IGFN1: variants seen among roughly 807,000 people sequenced by gnomAD.
IGFN1 encodes the protein immunoglobulin-like and fibronectin type III domain-containing protein 1.
In IGFN1, 253 loss-of-function variants were observed where a neutral mutation model predicts 289.5. That is an observed-to-expected ratio of 0.87 (90% CI 0.79 to 0.97). The LOEUF (loss-of-function observed/expected upper bound fraction) is 0.97, where lower values mean the gene tolerates loss of function less well. IGFN1 is among the 50% of genes least tolerant of loss of function. The probability of loss-of-function intolerance (pLI) is 0.00; values close to 1 mark genes in which losing one functional copy is unlikely to be tolerated. For synonymous variants in IGFN1, 1,706 were observed against 1,788.5 expected (o/e 0.95, Z 1.16); for missense variants, 4,470 against 4,686.1 (o/e 0.95, Z 1.35).
rs773802073 is a variant in IGFN1, at chr1:201,206,974, C to G, written c.2081C>G (p.Ser694Cys). 7 of 1,535,874 alleles carry G rather than the reference C, an allele frequency of 4.6e-6. No individual in the cohort carries two copies. The highest frequency in any genetic ancestry group is 6.1e-6 in the Non-Finnish European group (7 of 1,146,382). Residue 694 changes from serine to cysteine, a missense_variant, in exon 12 of 24, where the codon TCC (serine) becomes TGC (cysteine). By Grantham distance (112) the Ser-to-Cys change is moderately radical. This residue lies in a region of IGFN1 where 2,011 missense variants were observed against 1,953.4 expected (regional missense o/e 1.03). Coordinates refer to ENST00000335211, the MANE Select transcript of IGFN1 (RefSeq NM_001164586.2). Reference sequence around the variant, plus strand: ...TCCAAGGTGGGCATGGCCCCTGAATCCTGGGGTTCTCAGGGAGGTAGAGAT... The same window carrying G: ...TCCAAGGTGGGCATGGCCCCTGAATGCTGGGGTTCTCAGGGAGGTAGAGAT... ...SGSKVGMAPE[S>C]WGSQGGRDAD...
chr1:201,205,690 G>A (rs138354288), intron 11 of IGFN1, among the ~76,000 whole-genome samples: 15 of 152,294 alleles, frequency 9.8e-5, no homozygotes, highest in South Asian at 6.2e-4. Flanking sequence ...AGAAATTTGC[G>A]TTCCAGATGT....
rs547439547 is a variant in IGFN1, at chr1:201,206,504, A to G, written c.1611A>G (p.Glu537=). ...ESSESGLGLP[E]KQQQDRGRDS... ...CAGAATCAGGGTTGGGCCTCCCAGA[A>G]AAACAACAGCAAGATCGTGGCAGAG... The change falls in exon 12 of 24, where the codon GAA becomes GAG. Residue 537 remains glutamate, a synonymous_variant. Transcript: ENST00000335211. 9.2e-5 allele frequency: 142 copies of G among 1,551,384 alleles called. No individual in the cohort carries two copies. The African/African-American group carries it at 1.7e-3, about 19-fold the overall frequency.
chr1:201,203,098 C>T (rs1001875936), intron 9 of IGFN1, among the ~76,000 whole-genome samples: 22 of 152,214 alleles, frequency 1.4e-4, no homozygotes, highest in South Asian at 6.2e-4. Context: ...TTATTTATGA[C>T]ATCTATTATT....
rs535538013 is a variant in IGFN1 at position 201,199,553 on chromosome 1, A to G, written c.413-56A>G. 1.5e-3 allele frequency: 2,240 copies of G among 1,514,090 alleles called. 60 individuals carry two copies. The South Asian group carries it at 0.026, about 17-fold the overall frequency. 93.8% of individuals were successfully genotyped at this position (1,514,090 alleles called of 1,614,324 possible). On this transcript the variant is annotated intron_variant, in intron 6 of 23. Transcript: ENST00000335211. ...CATGGACAACACAGAAAAGCTCTGC[A>G]TCAACCCTCAGTCATCCCACCTGGG...
rs765349950 is a variant in IGFN1 at position 201,209,530 on chromosome 1, C to A, written c.4637C>A (p.Ala1546Glu). 4.0e-5 allele frequency: 62 copies of A among 1,532,276 alleles called. No individual in the cohort carries two copies. In the Admixed American group the frequency reaches 5.1e-4, roughly 13 times the overall value. The allele number at this position is 1,532,276 out of a possible 1,614,324, so 94.9% of individuals were successfully genotyped here. The change falls in exon 12 of 24, where the codon GCA becomes GAA. Residue 1546 changes from alanine (A) to glutamate (E), a missense_variant. This residue lies in a region of IGFN1 where 2,011 missense variants were observed against 1,953.4 expected (regional missense o/e 1.03). Transcript: ENST00000335211. The stretch of plus-strand genomic sequence containing the variant: ...GAGGCAATAGGTTCAGGGAGTAAGG[C>A]AGGTTTTACGGATGGTTTAGGAGGT... ...ASEAIGSGSK[A>E]GFTDGLGGSE...
At position 201,209,592 on chromosome 1, in the gene IGFN1, A is replaced by T. The variant is rs780074538; in HGVS notation, c.4699A>T (p.Arg1567Trp). The T allele has an allele frequency of 6.5e-6, 10 of 1,534,100 alleles. No homozygotes were observed. In the South Asian group the frequency reaches 1.1e-4, roughly 16 times the overall value. Residue 1567 changes from arginine (R) to tryptophan (W), a missense_variant, in exon 12 of 24, where the codon AGG (arginine) becomes TGG (tryptophan). By Grantham distance (101) the Arg-to-Trp change is moderately radical (BLOSUM62 -3). Coordinates refer to ENST00000335211, the MANE Select transcript of IGFN1 (RefSeq NM_001164586.2). ...EMGSVNKAGY[R>W]KDLGAPKGMG... ...GGGGTCAGTGAATAAGGCAGGTTAT[A>T]GGAAGGATTTGGGGGCTCCTAAGGG...
chr1:201,218,072 G>A lies in IGFN1; in HGVS notation c.9770-458G>A, dbSNP rs112384029. On this transcript the variant is annotated intron_variant, in intron 17 of 23. Coordinates refer to ENST00000335211, the MANE Select transcript of IGFN1 (RefSeq NM_001164586.2). ...TCTGCATGCGTGCTGCGGAAGTCCA[G>A]GTTTGAGGAGGAAAGAACAGGCTCG... Among the ~76,000 whole-genome samples, 38 of 152,354 alleles carry A rather than the reference G, an allele frequency of 2.5e-4. 1 individual carries two copies. The highest frequency in any genetic ancestry group is 8.7e-4 in the African/African-American group (36 of 41,584).
chr1:201,201,561 C>T (rs1667159513), intron 8 of IGFN1, among the ~76,000 whole-genome samples, 158 bp from the exon 9 acceptor site: 1 of 152,198 alleles, frequency 6.6e-6, no homozygotes, highest in Non-Finnish European at 1.5e-5. Flanking sequence ...GAATTTCCTT[C>T]CTTGAGGGGC....
chr1:201,218,095 T>A (rs866492412), intron 17 of IGFN1, among the ~76,000 whole-genome samples: 38 of 152,348 alleles, frequency 2.5e-4, no homozygotes, highest in African/African-American at 9.1e-4. Context: ...AAGAACAGGC[T>A]CGGAACAGCT....
rs758595308 is a variant in IGFN1, at chr1:201,227,011, G to T, written c.10916G>T (p.Gly3639Val). 7 of 1,613,278 alleles carry T rather than the reference G, an allele frequency of 4.3e-6. No individual in the cohort carries two copies. In the African/African-American group the frequency reaches 8.0e-5, roughly 18 times the overall value. Residue 3639 changes from glycine (G) to valine (V), a missense_variant, in exon 23 of 24, where the codon GGC (glycine) becomes GTC (valine). Gly to Val is a moderately radical substitution (Grantham distance 109). This residue lies in a region of IGFN1 where 2,218 missense variants were observed against 2,114.1 expected (regional missense o/e 1.05). Coordinates refer to ENST00000335211, the MANE Select transcript of IGFN1 (RefSeq NM_001164586.2). ...TGCTGCATGAGCTGTGCCGTGCAGG[G>T]CTCGCCCCGGCCCCACGTCACCTGG... ...CECCMSCAVQ[G>V]SPRPHVTWFK...
Position 201,209,358 on chromosome 1 carries a change from G to C in IGFN1, c.4465G>C (p.Gly1489Arg). 6.7e-7 allele frequency: 1 copy of C among 1,496,312 alleles called. No individual in the cohort carries two copies. The highest frequency in any genetic ancestry group is 8.8e-7 in the Non-Finnish European group (1 of 1,130,298). 92.7% of individuals were successfully genotyped at this position (1,496,312 alleles called of 1,614,324 possible). ...TGGTTTAAGGGGTTCTGGGGAAATG[G>C]GGTTAATTGAGGCAGGCTATAGGAA... ...RGGLRGSGEM[G>R]LIEAGYRKDL... Residue 1489 changes from glycine to arginine, a missense_variant, in exon 12 of 24, where the codon GGG (glycine) becomes CGG (arginine). Physicochemically the swap from Gly to Arg is moderately radical, Grantham distance 125. Transcript: ENST00000335211.
At chr1:201,195,089 T>C (rs6703241) in intron 3 of IGFN1, among the ~76,000 whole-genome samples, 137,271 of 152,098 alleles carry the variant, frequency 0.9, 62,085 homozygotes, top group Non-Finnish European at 0.93. Context: ...AGTCACTCCT[T>C]CTCCTAGTTG....
rs562335420 is a variant in IGFN1 at position 201,208,119 on chromosome 1, G to C, written c.3226G>C (p.Gly1076Arg). The C allele has an allele frequency of 1.8e-4, 275 of 1,536,880 alleles. 1 individual carries two copies. The African/African-American group carries it at 3.4e-3, about 19-fold the overall frequency. Residue 1076 changes from glycine to arginine, a missense_variant, in exon 12 of 24, where the codon GGC (glycine) becomes CGC (arginine). Gly to Arg is a moderately radical substitution (Grantham distance 125, BLOSUM62 -2). Coordinates refer to ENST00000335211, the MANE Select transcript of IGFN1 (RefSeq NM_001164586.2). ...DPRGGHHSDGGLGSPGVTGSA... is the reference protein window; with the variant it reads ...DPRGGHHSDGRLGSPGVTGSA... ...TAGGGGAGGGCACCATTCAGATGGT[G>C]GCCTAGGGAGTCCTGGGGTGACAGG...
In IGFN1 at chr1:201,208,511, T is replaced by C. The variant is rs1464779785; in HGVS notation, c.3618T>C (p.Tyr1206=). 3 of 1,451,360 alleles carry C rather than the reference T, an allele frequency of 2.1e-6. No individual in the cohort carries two copies. 89.9% of individuals were successfully genotyped at this position (1,451,360 alleles called of 1,614,324 possible). The change falls in exon 12 of 24, where the codon TAT becomes TAC. Residue 1206 remains tyrosine (Y), a synonymous_variant. Coordinates refer to ENST00000335211, the MANE Select transcript of IGFN1 (RefSeq NM_001164586.2). Reference sequence around the variant, plus strand: ...CCGCTTCTGGGAGCCAGTGGGCTTATGGGGCTGGCAATGTGCTGGGTTATG... The same window carrying C: ...CCGCTTCTGGGAGCCAGTGGGCTTACGGGGCTGGCAATGTGCTGGGTTATG... The part of the protein sequence containing the change: ...NGAASGSQWA[Y]GAGNVLGYED...
chr1:201,228,685 G>T lies in IGFN1; in HGVS notation c.*286G>T. On this transcript the variant is annotated 3_prime_UTR_variant, in exon 24 of 24. Transcript: ENST00000335211. ...TGGGTTTCTTTCTTCTTCGCTTCAG[G>T]AGATCCAGAGGGCACCTGCCTGCAG... 1 of 487,064 alleles carries T rather than the reference G, an allele frequency of 2.1e-6. No individual in the cohort carries two copies. Among genetic ancestry groups the T allele is most frequent in the Non-Finnish European group, 3.7e-6 (1 of 269,990 alleles). 30.2% of individuals were successfully genotyped at this position (487,064 alleles called of 1,614,324 possible). A position where few individuals can be genotyped will look rare whatever the true frequency, so the allele number is the denominator to read the frequency against.
At chr1:201,215,859 C>G in intron 15 of IGFN1, 21 bp downstream of exon 15, 1 of 1,603,928 alleles carries the variant, frequency 6.2e-7, no homozygotes. Context: ...TGTCTTCCCC[C>G]AACTAAGGCC....
chr1:201,201,864 T>A, intron 9 of IGFN1, 32 bp downstream of exon 9: 10 of 855,716 alleles, frequency 1.2e-5, no homozygotes, highest in Non-Finnish European at 1.8e-5. Context: ...GTGGGGGGGA[T>A]CTGGCAGGGA....
rs1229671751 is a variant in IGFN1 at position 201,195,924 on chromosome 1, T to C, written c.213T>C (p.Asp71=). ...RWQNSKGDLS[D]SSKYKISSSP... ...AGAACTCCAAAGGTGACCTCAGTGA[T>C]TCCAGCAAGTACAAGATCTCCTCCA... Residue 71 remains aspartate (D), a synonymous_variant, in exon 4 of 24, where the codon GAT becomes GAC. Transcript: ENST00000335211. The C allele has an allele frequency of 5.2e-6, 8 of 1,551,850 alleles. No homozygotes were observed. The highest frequency in any genetic ancestry group is 3.9e-5 in the Admixed American group (2 of 50,998).
intron 19 of IGFN1, chr1:201,222,528 C>T (rs1195772599): frequency 2.6e-5 from 12 of 466,602 alleles, no homozygotes; most frequent in East Asian, 1.3e-4. Flanking sequence ...TGTCCCTCCC[C>T]CGCTAGCATC....
Sources: allele counts gnomAD v4.1 joint callset (sites outside exome capture counted in the v4.1 genomes callset), GRCh38; gene constraint gnomAD v4.1.1; regional missense constraint gnomAD v4.1.1; transcripts MANE v1.5; gene names NCBI Gene and HGNC (gene_info 2026-07-23, HGNC 2026-07-21).